SGCZ: variants seen among roughly 807,000 people sequenced by gnomAD.
SGCZ encodes the protein zeta-sarcoglycan.
A neutral mutation model predicts 41.3 loss-of-function variants in SGCZ; 40 were observed. That is an observed-to-expected ratio of 0.97 (90% CI 0.75 to 1.26). The LOEUF (loss-of-function observed/expected upper bound fraction) is 1.26. Among genes scored for constraint, SGCZ ranks in the 50% most tolerant of loss-of-function variants. The probability of loss-of-function intolerance (pLI) is 0.00; values close to 1 mark genes in which losing one functional copy is unlikely to be tolerated. For missense variants in SGCZ, 552 were observed against 369.8 expected, an observed-to-expected ratio of 1.49 and a Z score of -4.04; for synonymous variants, 206 against 137.5, an observed-to-expected ratio of 1.50 and a Z score of -3.49.
At chr8:14,913,878 G>T (rs150084427) in intron 1 of SGCZ, among the ~76,000 whole-genome samples, 7 of 151,892 alleles carry the variant, frequency 4.6e-5, no homozygotes, top group Admixed American at 3.3e-4. Flanking sequence ...CAGCTCTCTG[G>T]TCATTAGAAT....
chr8:14,325,869 T>G (rs1785137789), intron 2 of SGCZ, among the ~76,000 whole-genome samples: 1 of 144,840 alleles, frequency 6.9e-6, no homozygotes, highest in African/African-American at 2.5e-5. Context: ...TCCCAGTACT[T>G]CGGAACGTAG....
chr8:14,203,031 C>A (rs201999451), intron 4 of SGCZ, among the ~76,000 whole-genome samples: 12 of 152,220 alleles, frequency 7.9e-5, no homozygotes, highest in East Asian at 5.8e-4. Flanking sequence ...CCTGTACAAG[C>A]TCTCTTTGGC....
intron 1 of SGCZ, among the ~76,000 whole-genome samples, chr8:14,911,811 T>C (rs896167541): frequency 2.6e-5 from 4 of 151,908 alleles, no homozygotes; most frequent in African/African-American, 9.7e-5. Context: ...ATTAATTAGG[T>C]TCAGAAACAA....
chr8:14,527,807 C>T (rs112953307), intron 2 of SGCZ, among the ~76,000 whole-genome samples: 9 of 151,986 alleles, frequency 5.9e-5, no homozygotes, highest in African/African-American at 1.7e-4. Flanking sequence ...ATTGAGTAAC[C>T]CATGTCCATA....
intron 3 of SGCZ, among the ~76,000 whole-genome samples, chr8:14,285,830 C>T (rs986108154): frequency 3.3e-5 from 5 of 152,102 alleles, no homozygotes; most frequent in Admixed American, 1.3e-4. Flanking sequence ...GAGGCTTATA[C>T]TGCAACCTTC....
chr8:14,556,833 A>G (rs763364000), intron 1 of SGCZ, among the ~76,000 whole-genome samples: 1 of 152,016 alleles, frequency 6.6e-6, no homozygotes, highest in Non-Finnish European at 1.5e-5. Flanking sequence ...CAGCTTATTG[A>G]CTGATGGGCA....
intron 3 of SGCZ, among the ~76,000 whole-genome samples, chr8:14,290,396 G>T (rs1800799454): frequency 6.6e-6 from 1 of 151,958 alleles, no homozygotes; most frequent in South Asian, 2.1e-4. Flanking sequence ...AGAGCAAAGA[G>T]AAAACCTACA....
rs1007095562 is a variant in SGCZ, at chr8:15,048,919, T to G, written c.39+188666A>C. Among the ~76,000 whole-genome samples, 30 of 152,086 alleles carry G rather than the reference T, an allele frequency of 2.0e-4. 1 individual carries two copies. Among genetic ancestry groups the G allele is most frequent in the Non-Finnish European group, 1.0e-4 (7 of 67,990 alleles). The stretch of plus-strand genomic sequence containing the variant: ...CAAAAAGTTGCTCTCCTCAAAAAAC[T>G]TGGAATAATTTTTGCTATCCCAAAT... On this transcript the variant is annotated intron_variant, in intron 1 of 7. Transcript: ENST00000382080.
intron 1 of SGCZ, among the ~76,000 whole-genome samples, chr8:14,691,475 A>G (rs762165923): frequency 3.3e-5 from 5 of 152,220 alleles, no homozygotes; most frequent in Non-Finnish European, 5.9e-5. Context: ...TTACTTAATT[A>G]TGTCGTCTAA....
chr8:14,869,181 A>T (rs1474640391), intron 1 of SGCZ, among the ~76,000 whole-genome samples: 1 of 152,218 alleles, frequency 6.6e-6, no homozygotes, highest in Non-Finnish European at 1.5e-5. Flanking sequence ...TCAATGTGAA[A>T]ATCATCAATA....
chr8:15,136,585 G>T lies in SGCZ; in HGVS notation c.39+101000C>A, dbSNP rs542333956. ...CCAGCTGGAGGTAACTGAATCATGG[G>T]GGTGGTTTCTCCTATGCTATTTGCC... On this transcript the variant is annotated intron_variant, in intron 1 of 7. Coordinates refer to ENST00000382080, the MANE Select transcript of SGCZ (RefSeq NM_139167.4). Among the ~76,000 whole-genome samples, 6 of 152,138 alleles carry T rather than the reference G, an allele frequency of 3.9e-5. No individual in the cohort carries two copies. The East Asian group carries it at 1.2e-3, about 30-fold the overall frequency.
intron 1 of SGCZ, among the ~76,000 whole-genome samples, chr8:15,199,779 T>A (rs2117131164): frequency 6.6e-6 from 1 of 152,222 alleles, no homozygotes; most frequent in South Asian, 2.1e-4. Flanking sequence ...AAGCCTCAAT[T>A]AAAAAATAAA....
At chr8:14,795,755 A>G (rs1201899559) in intron 1 of SGCZ, among the ~76,000 whole-genome samples, 1 of 152,138 alleles carries the variant, frequency 6.6e-6, no homozygotes, top group African/African-American at 2.4e-5. Context: ...TTTGTTGTAC[A>G]GATTATTTTA....
chr8:14,816,693 T>C (rs1801911777), intron 1 of SGCZ, among the ~76,000 whole-genome samples: 2 of 152,298 alleles, frequency 1.3e-5, no homozygotes, highest in South Asian at 2.1e-4. Context: ...AATTTGGTAA[T>C]ACCGAAGTCT....
At chr8:14,677,005 G>A (rs974662176) in intron 1 of SGCZ, among the ~76,000 whole-genome samples, 1 of 151,746 alleles carries the variant, frequency 6.6e-6, no homozygotes, top group Non-Finnish European at 1.5e-5. Context: ...ATAAAGATAA[G>A]GAAGGAAGAA....
intron 1 of SGCZ, among the ~76,000 whole-genome samples, chr8:14,574,912 CTT>C (rs1484639686): frequency 6.6e-6 from 1 of 152,060 alleles, no homozygotes; most frequent in Admixed American, 6.5e-5. Context: ...TTAAAAATAA[CTT>C]CTTGAAAGTG....
chr8:14,159,861 A>G (rs1440458773), intron 5 of SGCZ, among the ~76,000 whole-genome samples: 1 of 152,184 alleles, frequency 6.6e-6, no homozygotes, highest in Non-Finnish European at 1.5e-5. Context: ...AGATGAACTA[A>G]TAAAAACAAA....
intron 5 of SGCZ, among the ~76,000 whole-genome samples, chr8:14,124,274 C>G (rs941778746): frequency 5.9e-5 from 9 of 152,040 alleles, no homozygotes; most frequent in African/African-American, 2.2e-4. Context: ...TTGTCCTTCA[C>G]TCCCTCTTTC....
intron 3 of SGCZ, among the ~76,000 whole-genome samples, chr8:14,310,001 A>G (rs1335277832): frequency 4.6e-5 from 7 of 152,112 alleles, no homozygotes; most frequent in Non-Finnish European, 1.0e-4. Context: ...CCCATCCACA[A>G]TAGTCAAAAA....
Sources: gnomAD v4.1 joint callset for allele counts (sites outside exome capture counted in the v4.1 genomes callset) on GRCh38, gnomAD v4.1.1 for gene constraint, MANE v1.5 for transcripts, NCBI Gene and HGNC (gene_info 2026-07-23, HGNC 2026-07-21) for gene names.